SPHKAP: variants seen among roughly 807,000 people sequenced by gnomAD.
SPHKAP encodes A-kinase anchor protein SPHKAP.
Under a neutral mutation model 137.5 loss-of-function variants are expected in SPHKAP, and 67 were observed. The ratio of observed to expected loss-of-function variants is 0.49; its 90% CI spans 0.40 to 0.60. The LOEUF (loss-of-function observed/expected upper bound fraction) is 0.60. Ranked by LOEUF, SPHKAP falls within the 20% of genes least tolerant of loss-of-function variation. SPHKAP has a pLI of 0.00. For missense variants in SPHKAP, 2,097 were observed against 2,069.3 expected, an observed-to-expected ratio of 1.01 and a Z score of -0.26; for synonymous variants, 813 against 785.3, an observed-to-expected ratio of 1.04 and a Z score of -0.59.
At chr2:228,100,924 C>CTCAGAGGTACAATGAAGAGGT (rs1698166636) in intron 3 of SPHKAP, among the ~76,000 whole-genome samples, 1 of 152,052 alleles carries the variant, frequency 6.6e-6, no homozygotes, top group Admixed American at 6.5e-5. Context: ...AGGATTTTGG[C>CTCAGAGGTACAATGAAGAGGT]ACCAGCTCTT....
intron 1 of SPHKAP, among the ~76,000 whole-genome samples, chr2:228,148,675 C>T (rs562923667): frequency 1.3e-5 from 2 of 152,200 alleles, no homozygotes; most frequent in South Asian, 4.1e-4. Flanking sequence ...GGAGTGTCTC[C>T]TGGTGGGCAA....
At chr2:228,065,769 G>C (rs965618064) in intron 3 of SPHKAP, among the ~76,000 whole-genome samples, 1 of 152,136 alleles carries the variant, frequency 6.6e-6, no homozygotes, top group Admixed American at 6.5e-5. Context: ...TCTAGAGAGA[G>C]ACAGTGCATT....
chr2:228,027,693 C>A (rs118070239), intron 3 of SPHKAP, 150 bp from the exon 4 acceptor site: 2 of 792,328 alleles, frequency 2.5e-6, no homozygotes, highest in Non-Finnish European at 4.0e-6. Context: ...TCAGGGCGGG[C>A]GCAGTGGCTT....
chr2:228,163,032 G>A (rs1700320800), intron 1 of SPHKAP, among the ~76,000 whole-genome samples: 1 of 152,176 alleles, frequency 6.6e-6, no homozygotes, highest in African/African-American at 2.4e-5. Flanking sequence ...CCATGAGGAG[G>A]TAGCAAAACT....
At chr2:227,982,279 C>A in intron 11 of SPHKAP, 1 of 985,252 alleles carries the variant, frequency 1.0e-6, no homozygotes, top group African/African-American at 1.7e-5. Flanking sequence ...TAAATTTAGG[C>A]CAAATAAATC....
chr2:228,086,637 C>T (rs977338163), intron 3 of SPHKAP, among the ~76,000 whole-genome samples: 2 of 152,158 alleles, frequency 1.3e-5, no homozygotes, highest in Non-Finnish European at 2.9e-5. Flanking sequence ...AGGTTCCACA[C>T]TAAGAAAGTC....
At chr2:228,106,722 T>A (rs1698355048) in intron 3 of SPHKAP, among the ~76,000 whole-genome samples, 1 of 152,174 alleles carries the variant, frequency 6.6e-6, no homozygotes, top group Non-Finnish European at 1.5e-5. Flanking sequence ...TTACTTCTAT[T>A]TCTTCTGTAG....
chr2:228,181,487 G>C lies in SPHKAP; in HGVS notation c.32+80C>G, dbSNP rs983752844. ...GCCCCGTGCAAACCGAAGCGCTCTG[G>C]GGCAAGTTGGTGAGCGACTCACAAC... On this transcript the variant is annotated intron_variant, in intron 1 of 11. Transcript: ENST00000392056. This position sits in a 1 kb window ranked among gnomAD's most constrained non-coding sequence, Gnocchi z 4.3. 5.9e-5 allele frequency: 95 copies of C among 1,603,806 alleles called. No homozygotes were observed. The highest frequency in any genetic ancestry group is 7.9e-5 in the Non-Finnish European group (93 of 1,170,920).
At chr2:228,053,485 C>T (rs1696332337) in intron 3 of SPHKAP, among the ~76,000 whole-genome samples, 1 of 152,152 alleles carries the variant, frequency 6.6e-6, no homozygotes, top group South Asian at 2.1e-4. Context: ...ATCTGGCTTA[C>T]AGCATTCTTG....
At chr2:228,027,963 AAAAAAAAAAAAAAG>A (rs1695119581) in intron 3 of SPHKAP, 1 of 891,390 alleles carries the variant, frequency 1.1e-6, no homozygotes, top group Non-Finnish European at 1.3e-6. Flanking sequence ...TGCATCTGAA[AAAAAAAAAAAAAAG>A]AAAAAAGAAA....
At chr2:228,074,541 A>G (rs1024223370) in intron 3 of SPHKAP, among the ~76,000 whole-genome samples, 1 of 152,150 alleles carries the variant, frequency 6.6e-6, no homozygotes, top group Non-Finnish European at 1.5e-5. Context: ...CACTATCACC[A>G]GAACAGTATG....
At chr2:227,992,350 A>C (rs1376459044) in intron 9 of SPHKAP, among the ~76,000 whole-genome samples, 2 of 152,170 alleles carry the variant, frequency 1.3e-5, no homozygotes, top group African/African-American at 2.4e-5. Flanking sequence ...ATTTTCTTCT[A>C]GATCTCTATG....
chr2:228,124,318 A>AG (rs34400626), intron 2 of SPHKAP, among the ~76,000 whole-genome samples: 51,650 of 151,442 alleles, frequency 0.34, 9,093 homozygotes, highest in East Asian at 0.5. Flanking sequence ...ACAATAGCAA[A>AG]ACTTGGAACC....
intron 1 of SPHKAP, among the ~76,000 whole-genome samples, chr2:228,170,713 C>T: frequency 6.6e-6 from 1 of 152,068 alleles, no homozygotes; most frequent in East Asian, 1.9e-4. Context: ...CTATAAAGTA[C>T]ACATAACTTT....
chr2:227,983,505 C>T lies in SPHKAP; in HGVS notation c.4960-1645G>A, dbSNP rs997779503. On this transcript the variant is annotated intron_variant, in intron 11 of 11. Transcript: ENST00000392056. ...AGACAGCAATCTCCCAGCAGAAGGACATCTTAGCCATCTTTTCATATCTCG... is the reference window on the plus strand; with the variant it reads ...AGACAGCAATCTCCCAGCAGAAGGATATCTTAGCCATCTTTTCATATCTCG... Among the ~76,000 whole-genome samples, 24 of 152,294 alleles carry T rather than the reference C, an allele frequency of 1.6e-4. 1 individual carries two copies. The highest frequency in any genetic ancestry group is 1.3e-3 in the Admixed American group (20 of 15,296).
intron 7 of SPHKAP, among the ~76,000 whole-genome samples, chr2:228,008,280 ATTATCTTCTAGGAGTTTTTTTT>A (rs536690550): frequency 8.1e-4 from 120 of 147,404 alleles, no homozygotes; most frequent in African/African-American, 2.9e-3. Flanking sequence ...TTTCTCCTAC[ATTATCTTCTAGGAGTTTTTTTT>A]TTTTTTTTTC....
chr2:228,097,512 C>T (rs1698023256), intron 3 of SPHKAP, among the ~76,000 whole-genome samples: 1 of 151,424 alleles, frequency 6.6e-6, no homozygotes, highest in Non-Finnish European at 1.5e-5. Flanking sequence ...TATTTTTTTT[C>T]AACTTTTATT....
At chr2:228,178,381 A>T (rs775931174) in intron 1 of SPHKAP, among the ~76,000 whole-genome samples, 1 of 152,218 alleles carries the variant, frequency 6.6e-6, no homozygotes, top group Non-Finnish European at 1.5e-5. Flanking sequence ...GGATGTGATG[A>T]TCAAATAATT....
At chr2:227,996,603 T>C (rs1693648918) in intron 7 of SPHKAP, among the ~76,000 whole-genome samples, 1 of 152,188 alleles carries the variant, frequency 6.6e-6, no homozygotes. Context: ...TCTTCTGGAT[T>C]CTGGGCTCCT....
Sources: allele counts gnomAD v4.1 joint callset (sites outside exome capture counted in the v4.1 genomes callset), GRCh38; gene constraint gnomAD v4.1.1; non-coding constraint Gnocchi (gnomAD v3.1); transcripts MANE v1.5; gene names NCBI Gene and HGNC (gene_info 2026-07-23, HGNC 2026-07-21).